ARHGAP15: variants seen among roughly 807,000 people sequenced by gnomAD.
ARHGAP15 encodes Rho GTPase activating protein 15.
ARHGAP15 carries 51 observed loss-of-function variants against 63.7 expected under a neutral mutation model. That is an observed-to-expected ratio of 0.80 (90% confidence interval 0.64 to 1.01). The LOEUF (loss-of-function observed/expected upper bound fraction) is 1.01, where lower values mean the gene tolerates loss of function less well. Among genes scored for constraint, ARHGAP15 ranks in the 50% least tolerant of loss-of-function variants. ARHGAP15 has a pLI of 0.00. For missense variants in ARHGAP15, 560 were observed against 564.6 expected (o/e 0.99, Z 0.08); for synonymous variants, 191 against 193.8 (o/e 0.99, Z 0.12).
chr2:143,301,248 T>A (rs1474009505), intron 6 of ARHGAP15, among the ~76,000 whole-genome samples: 1 of 152,020 alleles, frequency 6.6e-6, no homozygotes, highest in Non-Finnish European at 1.5e-5. Context: ...AAAGGAGAGC[T>A]GTTCAATGTC....
chr2:143,249,437 C>T (rs996103130), intron 5 of ARHGAP15, among the ~76,000 whole-genome samples: 6 of 152,022 alleles, frequency 3.9e-5, no homozygotes, highest in African/African-American at 1.2e-4. Flanking sequence ...ATTTACCATT[C>T]TTTCATAATT....
chr2:143,406,156 A>G (rs530985374), intron 6 of ARHGAP15, among the ~76,000 whole-genome samples: 129 of 151,948 alleles, frequency 8.5e-4, no homozygotes, highest in Non-Finnish European at 1.6e-3. Flanking sequence ...TCATAAATGG[A>G]TGTACCTCAG....
chr2:143,342,884 C>T (rs549011260), intron 6 of ARHGAP15, among the ~76,000 whole-genome samples: 51 of 148,454 alleles, frequency 3.4e-4, no homozygotes, highest in Admixed American at 7.0e-4. Flanking sequence ...ATACCACACA[C>T]TTTCCTTCCT....
intron 13 of ARHGAP15, among the ~76,000 whole-genome samples, chr2:143,727,052 C>G (rs2105475423): frequency 6.6e-6 from 1 of 152,310 alleles, no homozygotes; most frequent in Middle Eastern, 3.4e-3. Context: ...CTCTTCCAGC[C>G]TTTCCACTCG....
At chr2:143,166,000 A>AGT (rs1558787786) in intron 2 of ARHGAP15, among the ~76,000 whole-genome samples, 5 of 136,604 alleles carry the variant, frequency 3.7e-5, no homozygotes, top group Non-Finnish European at 7.9e-5. Flanking sequence ...GAAAGAAAGA[A>AGT]AGAAGGAAGG....
chr2:143,667,386 C>T (rs1682263848), intron 12 of ARHGAP15, among the ~76,000 whole-genome samples: 1 of 121,864 alleles, frequency 8.2e-6, no homozygotes, highest in Non-Finnish European at 1.6e-5. Flanking sequence ...CACATGGACA[C>T]AGGAAGGGGA....
At chr2:143,287,564 G>T (rs2105105162) in intron 6 of ARHGAP15, among the ~76,000 whole-genome samples, 2 of 152,164 alleles carry the variant, frequency 1.3e-5, no homozygotes, top group East Asian at 3.9e-4. Context: ...CCAGCACTTT[G>T]GGAGGCCGAG....
At chr2:143,630,757 T>C (rs1450158563) in intron 12 of ARHGAP15, among the ~76,000 whole-genome samples, 1 of 152,112 alleles carries the variant, frequency 6.6e-6, no homozygotes, top group Non-Finnish European at 1.5e-5. Flanking sequence ...ATATACTCCT[T>C]CCCACCCTTT....
At chr2:143,330,689 A>G (rs978608610) in intron 6 of ARHGAP15, among the ~76,000 whole-genome samples, 8 of 152,168 alleles carry the variant, frequency 5.3e-5, no homozygotes, top group African/African-American at 1.9e-4. Flanking sequence ...TTTGTCCTTA[A>G]GGTTTCATTT....
At chr2:143,431,612 A>G (rs1689393150) in intron 6 of ARHGAP15, among the ~76,000 whole-genome samples, 4 of 152,026 alleles carry the variant, frequency 2.6e-5, no homozygotes, top group African/African-American at 7.2e-5. Context: ...AAATCTTGAC[A>G]TGAGCATTGT....
chr2:143,443,368 T>C (rs1202100477), intron 8 of ARHGAP15, among the ~76,000 whole-genome samples: 1 of 151,324 alleles, frequency 6.6e-6, no homozygotes, highest in East Asian at 1.9e-4. Context: ...TTGTAGAATA[T>C]CATGGGTTAT....
chr2:143,307,183 A>T (rs1159607699), intron 6 of ARHGAP15, among the ~76,000 whole-genome samples: 1 of 152,108 alleles, frequency 6.6e-6, no homozygotes, highest in Non-Finnish European at 1.5e-5. Context: ...TCTTTTAAAG[A>T]GTGCTCTTGA....
chr2:143,459,724 G>A (rs562223321), intron 8 of ARHGAP15, among the ~76,000 whole-genome samples: 9 of 152,250 alleles, frequency 5.9e-5, no homozygotes, highest in African/African-American at 2.2e-4. Flanking sequence ...GAATTGAAGT[G>A]TTTTTTGATC....
At chr2:143,425,677 T>C (rs747116100) in intron 6 of ARHGAP15, among the ~76,000 whole-genome samples, 1 of 152,112 alleles carries the variant, frequency 6.6e-6, no homozygotes, top group Non-Finnish European at 1.5e-5. Context: ...ATTTTCAACA[T>C]TTTCAATTTA....
chr2:143,733,962 T>A (rs976811220), intron 13 of ARHGAP15, among the ~76,000 whole-genome samples: 5 of 152,096 alleles, frequency 3.3e-5, no homozygotes, highest in African/African-American at 1.2e-4. Flanking sequence ...CTGCAAAAAA[T>A]TTGTTTTAAG....
intron 10 of ARHGAP15, 141 bp downstream of exon 10, chr2:143,519,505 C>T (rs975184580): frequency 1.5e-5 from 8 of 533,986 alleles, no homozygotes; most frequent in East Asian, 1.1e-4. Flanking sequence ...AGAGGATCAT[C>T]TTTCTTATTA....
At chr2:143,594,714 G>A (rs1697445756) in intron 11 of ARHGAP15, among the ~76,000 whole-genome samples, 1 of 152,124 alleles carries the variant, frequency 6.6e-6, no homozygotes, top group East Asian at 1.9e-4. Context: ...AGTTCTTAAT[G>A]TTTTTCCCTA....
intron 10 of ARHGAP15, among the ~76,000 whole-genome samples, chr2:143,542,804 G>C (rs71423274): frequency 1.3e-5 from 1 of 78,234 alleles, no homozygotes; most frequent in Non-Finnish European, 2.4e-5. Context: ...CACATATATA[G>C]TATATATATG....
chr2:143,693,533 A>G (rs543057056), intron 12 of ARHGAP15, among the ~76,000 whole-genome samples: 113 of 152,180 alleles, frequency 7.4e-4, no homozygotes, highest in Non-Finnish European at 1.1e-3. Flanking sequence ...AGTTGTCTCA[A>G]TCTTTTTAAA....
Sources: allele counts gnomAD v4.1 joint callset (sites outside exome capture counted in the v4.1 genomes callset), GRCh38; gene constraint gnomAD v4.1.1; transcripts MANE v1.5; gene names NCBI Gene and HGNC (gene_info 2026-07-23, HGNC 2026-07-21).